Variants in TTC34 observed in about 807,000 individuals in gnomAD.
TTC34 encodes tetratricopeptide repeat domain 34.
TTC34 carries 44 observed loss-of-function variants against 40.7 expected under a neutral mutation model. That is an observed-to-expected ratio of 1.08 (90% CI 0.85 to 1.39). The LOEUF (loss-of-function observed/expected upper bound fraction) is 1.39, where lower values mean the gene tolerates loss of function less well. Among genes scored for constraint, TTC34 ranks in the 40% most tolerant of loss-of-function variants. The probability of loss-of-function intolerance (pLI) is 0.00; values close to 1 mark genes in which losing one functional copy is unlikely to be tolerated. For synonymous variants in TTC34, 422 were observed against 398.6 expected, an observed-to-expected ratio of 1.06 and a Z score of -0.70; for missense variants, 884 against 838.0, an observed-to-expected ratio of 1.05 and a Z score of -0.68.
At chr1:2,787,544 G>A in exon 4 of TTC34, 6 of 1,539,948 alleles carry the variant, frequency 3.9e-6, no homozygotes, top group Non-Finnish European at 5.3e-6. Flanking sequence ...CCAGCACAGG[G>A]GCTGCCTGGG....
chr1:2,683,090 A>ATT (rs1640149217), intron 6 of TTC34, among the ~76,000 whole-genome samples: 1 of 144,186 alleles, frequency 6.9e-6, no homozygotes, highest in African/African-American at 2.5e-5. Flanking sequence ...AGCATCTGAC[A>ATT]GCCTGGAGCA....
At chr1:2,753,114 AG>A (rs1641380864) in intron 6 of TTC34, among the ~76,000 whole-genome samples, 1 of 51,310 alleles carries the variant, frequency 1.9e-5, no homozygotes, top group African/African-American at 7.4e-5. Flanking sequence ...AGCATCCGAC[AG>A]CCTGGAACAG....
At chr1:2,783,465 T>C (rs1029494394) in intron 6 of TTC34, 144 bp downstream of exon 6, 2 of 819,678 alleles carry the variant, frequency 2.4e-6, no homozygotes, top group East Asian at 3.3e-5. Flanking sequence ...GCTGTACAGG[T>C]GGGGATGGGA....
intron 8 of TTC34, among the ~76,000 whole-genome samples, chr1:2,642,203 C>T (rs1360175675): frequency 6.6e-6 from 1 of 152,216 alleles, no homozygotes; most frequent in South Asian, 2.1e-4. Context: ...TCTCCCTGGG[C>T]CTCGGATCAG....
chr1:2,645,555 C>A lies in TTC34; in HGVS notation c.2235G>T (p.Val745=). Residue 745 remains valine (V), a synonymous_variant, in exon 7 of 9, where the codon GTG becomes GTT. Transcript: ENST00000401095. This position sits in a 1 kb window ranked among gnomAD's most constrained non-coding sequence, Gnocchi z 4.7. ...GCTTCAGAGCAGAGACGATGTCGTC[C>A]ACGGCTTCCTGCAAGGAGGGAGGGC... The A allele has an allele frequency of 8.6e-7, 1 of 1,156,906 alleles. No homozygotes were observed. The allele number at this position is 1,156,906 out of a possible 1,614,324, so 71.7% of individuals were successfully genotyped here. A position where few individuals can be genotyped will look rare whatever the true frequency, so the allele number is the denominator to read the frequency against.
At chr1:2,799,982 G>A in intron 2 of TTC34, 62 bp downstream of exon 2, 1 of 398,426 alleles carries the variant, frequency 2.5e-6, no homozygotes, top group Non-Finnish European at 4.4e-6. Flanking sequence ...ATAACCATGT[G>A]GGGAGGGAGT....
In TTC34 at chr1:2,752,797, T is replaced by A. The variant is rs1453266375; in HGVS notation, c.2226+30812A>T. On this transcript the variant is annotated intron_variant, in intron 6 of 8. Coordinates refer to ENST00000401095, the Ensembl canonical transcript of TTC34. ...ACGCCCAGATAAGCATGTGACAGCC[T>A]GGAACAGCTCCCTGCATCCCCAGGT... Among the ~76,000 whole-genome samples the A allele has an allele frequency of 3.1e-5, 4 of 127,588 alleles. 1 individual carries two copies. The highest frequency in any genetic ancestry group is 1.6e-5 in the Non-Finnish European group (1 of 61,140). 83.7% of individuals were successfully genotyped at this position (127,588 alleles called of 152,430 possible). A position where few individuals can be genotyped will look rare whatever the true frequency, so the allele number is the denominator to read the frequency against.
chr1:2,788,366 A>G (rs182348950), intron 3 of TTC34, among the ~76,000 whole-genome samples: 1 of 150,304 alleles, frequency 6.7e-6, no homozygotes, highest in South Asian at 2.1e-4. Flanking sequence ...TGTGTGTTGT[A>G]TGTGTGGTGT....
At chr1:2,752,768 C>G (rs1379265927) in intron 6 of TTC34, among the ~76,000 whole-genome samples, 1 of 125,702 alleles carries the variant, frequency 8.0e-6, no homozygotes, top group African/African-American at 3.3e-5. Flanking sequence ...GGAACAGCAC[C>G]CATACGCCCA....
intron 2 of TTC34, 46 bp from the exon 3 acceptor site, chr1:2,790,392 C>T: frequency 2.5e-6 from 1 of 398,412 alleles, no homozygotes; most frequent in Non-Finnish European, 4.4e-6. Flanking sequence ...GGGGCCGACT[C>T]CCCGGGGGTG....
At chr1:2,753,355 A>C (rs1641391009) in intron 6 of TTC34, among the ~76,000 whole-genome samples, 9 of 125,144 alleles carry the variant, frequency 7.2e-5, no homozygotes, top group East Asian at 5.5e-4. Flanking sequence ...AGCATCTGAC[A>C]GCCTAGAACA....
At chr1:2,637,803 C>G (rs903276761) in exon 9 of TTC34, 1 of 152,220 alleles carries the variant, frequency 6.6e-6, no homozygotes, top group Admixed American at 6.5e-5. Flanking sequence ...CTGAGAGCCT[C>G]GGGGCTGCTG....
intron 6 of TTC34, among the ~76,000 whole-genome samples, chr1:2,688,275 A>G (rs1569571361): frequency 2.8e-5 from 4 of 140,828 alleles, no homozygotes; most frequent in African/African-American, 1.2e-4. Context: ...GACAGCCTGG[A>G]TCAGCACCCA....
intron 6 of TTC34, among the ~76,000 whole-genome samples, chr1:2,750,456 T>C (rs1449788009): frequency 0.041 from 323 of 7,834 alleles, no homozygotes; most frequent in Middle Eastern, 0.12. Flanking sequence ...CCCAGGCGAG[T>C]ATCTGACGGC....
intron 8 of TTC34, 146 bp from the exon 9 acceptor site, chr1:2,642,041 G>C (rs184425788): frequency 3.2e-6 from 3 of 925,328 alleles, no homozygotes; most frequent in Non-Finnish European, 4.6e-6. Flanking sequence ...GGAGCTGCCC[G>C]CTGCTTCTGG....
At chr1:2,750,066 C>A (rs1367143181) in intron 6 of TTC34, among the ~76,000 whole-genome samples, 3 of 86,324 alleles carry the variant, frequency 3.5e-5, no homozygotes, top group Admixed American at 1.2e-4. Flanking sequence ...CATCTGACAG[C>A]CTGGAGCAGC....
At chr1:2,769,665 C>G (rs1164118048) in intron 6 of TTC34, among the ~76,000 whole-genome samples, 2 of 141,852 alleles carry the variant, frequency 1.4e-5, no homozygotes, top group Non-Finnish European at 3.0e-5. Flanking sequence ...GGAGCAGCAC[C>G]CTACACCCCC....
intron 2 of TTC34, among the ~76,000 whole-genome samples, chr1:2,792,268 G>A (rs565005953): frequency 3.6e-4 from 54 of 151,802 alleles, no homozygotes; most frequent in Non-Finnish European, 6.2e-4. Flanking sequence ...CAAAGTACTG[G>A]TACTCCTTTT....
At chr1:2,751,748 T>A (rs1482338732) in intron 6 of TTC34, among the ~76,000 whole-genome samples, 1 of 131,158 alleles carries the variant, frequency 7.6e-6, no homozygotes, top group African/African-American at 3.1e-5. Flanking sequence ...GCATCTGACA[T>A]CGTAGAGCAG....
Sources: gnomAD v4.1 joint callset for allele counts (sites outside exome capture counted in the v4.1 genomes callset) on GRCh38, gnomAD v4.1.1 for gene constraint, Gnocchi (gnomAD v3.1) non-coding constraint, MANE v1.5 for transcripts, NCBI Gene and HGNC (gene_info 2026-07-23, HGNC 2026-07-21) for gene names.